The following FHIT variants were observed in gnomAD, a reference collection of about 807,000 sequenced individuals.
FHIT encodes fragile histidine triad diadenosine triphosphatase.
A neutral mutation model predicts 17.9 loss-of-function variants in FHIT; 19 were observed. The observed-to-expected ratio is 1.06, with a 90% confidence interval of 0.74 to 1.56. The LOEUF is 1.56. Ranked by LOEUF, FHIT falls within the 40% of genes most tolerant of loss-of-function variation. The pLI is 0.00. For synonymous variants in FHIT, 81 were observed against 69.7 expected (o/e 1.16, Z -0.81); for missense variants, 248 against 189.2 (o/e 1.31, Z -1.82).
intron 5 of FHIT, among the ~76,000 whole-genome samples, chr3:60,452,191 T>TA (rs1213040338): frequency 5.3e-5 from 8 of 152,116 alleles, no homozygotes; most frequent in Non-Finnish European, 7.4e-5. Context: ...AACTCTAAGG[T>TA]AAAAAAATGC....
chr3:60,707,864 T>C (rs1194469461), intron 4 of FHIT, among the ~76,000 whole-genome samples: 1 of 152,350 alleles, frequency 6.6e-6, no homozygotes, highest in South Asian at 2.1e-4. Context: ...GATGTTTTTA[T>C]CTTCCTGACA....
chr3:59,986,911 TA>T (rs1388547815), intron 7 of FHIT, among the ~76,000 whole-genome samples: 2 of 119,860 alleles, frequency 1.7e-5, no homozygotes, highest in Non-Finnish European at 3.2e-5. Context: ...TATTATATAT[TA>T]AAAATATATG....
chr3:60,542,596 C>G (rs1180317067), intron 4 of FHIT, among the ~76,000 whole-genome samples: 2 of 152,024 alleles, frequency 1.3e-5, no homozygotes, highest in Non-Finnish European at 2.9e-5. Flanking sequence ...ATACTTTGTC[C>G]TCTTTCATAT....
chr3:60,803,130 C>T lies in FHIT; in HGVS notation c.-18+18789G>A, dbSNP rs191344719. On this transcript the variant is annotated intron_variant, in intron 4 of 9. Coordinates refer to ENST00000492590, the MANE Select transcript of FHIT (RefSeq NM_002012.4). ...AGAAAGTGTAAGAAAACAAGTCTTC[C>T]GGTTAGTACTTACTGGGCAAAGGGC... Among the ~76,000 whole-genome samples the T allele has an allele frequency of 3.3e-5, 5 of 152,192 alleles. No homozygotes were observed. In the East Asian group the frequency reaches 7.7e-4, roughly 24 times the overall value.
intron 3 of FHIT, among the ~76,000 whole-genome samples, chr3:61,019,850 T>C (rs2032315209): frequency 6.6e-6 from 1 of 152,140 alleles, no homozygotes; most frequent in Non-Finnish European, 1.5e-5. Context: ...ACATCTTCAT[T>C]TATTCATATG....
At chr3:59,818,500 C>T (rs938103889) in intron 8 of FHIT, among the ~76,000 whole-genome samples, 1 of 150,244 alleles carries the variant, frequency 6.7e-6, no homozygotes, top group East Asian at 2.0e-4. Flanking sequence ...CAGTAAGATA[C>T]ACGTAAATAA....
intron 5 of FHIT, among the ~76,000 whole-genome samples, chr3:60,283,693 G>C (rs760955792): frequency 3.9e-5 from 6 of 152,054 alleles, no homozygotes; most frequent in Non-Finnish European, 8.8e-5. Flanking sequence ...AATCATGTAA[G>C]GCTGGTATTT....
At chr3:60,105,352 G>C (rs544559163) in intron 5 of FHIT, among the ~76,000 whole-genome samples, 4 of 152,114 alleles carry the variant, frequency 2.6e-5, no homozygotes, top group Non-Finnish European at 5.9e-5. Flanking sequence ...AAAATCTCTC[G>C]ATAATTTTGC....
intron 5 of FHIT, among the ~76,000 whole-genome samples, chr3:60,066,195 G>C (rs1418353582): frequency 1.3e-5 from 2 of 152,048 alleles, no homozygotes; most frequent in East Asian, 3.9e-4. Flanking sequence ...CAGGTTGTGA[G>C]AGCTCTTTTA....
chr3:59,783,153 C>A (rs1208195004), intron 8 of FHIT, among the ~76,000 whole-genome samples: 1 of 152,128 alleles, frequency 6.6e-6, no homozygotes, highest in East Asian at 1.9e-4. Flanking sequence ...CTCACACAAA[C>A]CTCTAATAGT....
chr3:59,756,578 G>C (rs956151210), intron 8 of FHIT, among the ~76,000 whole-genome samples: 1 of 152,106 alleles, frequency 6.6e-6, no homozygotes, highest in African/African-American at 2.4e-5. Context: ...ATGATTTGTT[G>C]TTTACCTGAA....
chr3:61,096,104 A>C (rs1458384373), intron 2 of FHIT, among the ~76,000 whole-genome samples: 3 of 152,184 alleles, frequency 2.0e-5, no homozygotes, highest in African/African-American at 7.2e-5. Context: ...CATAACCAAG[A>C]GCTTTTCACC....
intron 4 of FHIT, among the ~76,000 whole-genome samples, chr3:60,546,826 T>C (rs142836918): frequency 4.6e-5 from 7 of 152,308 alleles, no homozygotes; most frequent in African/African-American, 1.7e-4. Flanking sequence ...AAAGCATGTC[T>C]CGTTGTCTGC....
At chr3:60,817,083 C>T (rs540840697) in intron 4 of FHIT, among the ~76,000 whole-genome samples, 1 of 152,002 alleles carries the variant, frequency 6.6e-6, no homozygotes, top group South Asian at 2.1e-4. Flanking sequence ...CTTTCACAGT[C>T]TACTTAGATT....
In FHIT at chr3:60,846,984, C is replaced by T. The variant is rs1702951653; in HGVS notation, c.-110-24973G>A. On this transcript the variant is annotated intron_variant, in intron 3 of 9. Coordinates refer to ENST00000492590, the MANE Select transcript of FHIT (RefSeq NM_002012.4). ...GATTACAGGTATGCACCACAAAGCC[C>T]AGCTAATTTTTGTATTTTTAGTAGA... is the stretch of plus-strand genomic sequence containing the variant. Among the ~76,000 whole-genome samples the T allele has an allele frequency of 2.0e-5, 3 of 152,042 alleles. No homozygotes were observed. In the South Asian group the frequency reaches 6.2e-4, roughly 32 times the overall value.
At chr3:60,537,661 G>C (rs900381982) in intron 4 of FHIT, among the ~76,000 whole-genome samples, 3 of 152,250 alleles carry the variant, frequency 2.0e-5, no homozygotes, top group African/African-American at 7.2e-5. Context: ...AAAGCCATGG[G>C]GGGCCGGGGG....
chr3:60,497,753 A>C (rs2034358911), intron 5 of FHIT, among the ~76,000 whole-genome samples: 1 of 152,154 alleles, frequency 6.6e-6, no homozygotes, highest in African/African-American at 2.4e-5. Flanking sequence ...ATTCCAGGCA[A>C]TTCTCTGAAG....
In FHIT at chr3:60,373,430, G is replaced by C. The variant is rs550754986; in HGVS notation, c.103+163430C>G. The stretch of plus-strand genomic sequence containing the variant: ...CAGGTCAGTGTGGTTGCAGTACAGA[G>C]AGCAAGGCACGATAGTGTGAGACTA... On this transcript the variant is annotated intron_variant, in intron 5 of 9. Coordinates refer to ENST00000492590, the MANE Select transcript of FHIT (RefSeq NM_002012.4). 7.2e-5 allele frequency among the ~76,000 whole-genome samples: 11 copies of C among 152,320 alleles called. No homozygotes were observed. In the East Asian group the frequency reaches 1.2e-3, roughly 16 times the overall value.
intron 8 of FHIT, among the ~76,000 whole-genome samples, chr3:59,887,139 A>C (rs1315500301): frequency 1.3e-5 from 2 of 152,214 alleles, no homozygotes; most frequent in South Asian, 2.1e-4. Context: ...TAATAAGCCA[A>C]AGACCCAGAA....
Sources: gnomAD v4.1 joint callset for allele counts (sites outside exome capture counted in the v4.1 genomes callset) on GRCh38, gnomAD v4.1.1 for gene constraint, MANE v1.5 for transcripts, NCBI Gene and HGNC (gene_info 2026-07-23, HGNC 2026-07-21) for gene names.